Variants in TANC2 observed in about 807,000 individuals in gnomAD.
The protein encoded by TANC2 is tetratricopeptide repeat, ankyrin repeat and coiled-coil containing 2.
TANC2 carries 26 observed loss-of-function variants against 210.5 expected under a neutral mutation model. The ratio of observed to expected loss-of-function variants is 0.12; its 90% confidence interval spans 0.09 to 0.17. TANC2 has a LOEUF of 0.17. TANC2 is among the 10% of genes least tolerant of loss of function. TANC2 has a pLI of 1.00. For synonymous variants in TANC2, 931 were observed against 967.1 expected (o/e 0.96, Z 0.69); for missense variants, 2,129 against 2,608.9 (o/e 0.82, Z 4.01).
intron 14 of TANC2, among the ~76,000 whole-genome samples, chr17:63,376,204 C>T (rs1054968713): frequency 2.0e-5 from 3 of 150,484 alleles, no homozygotes; most frequent in Non-Finnish European, 2.9e-5. Flanking sequence ...GAGGCCAAGG[C>T]GGGTGGATCA....
At chr17:63,039,210 A>G (rs1334897155) in intron 2 of TANC2, among the ~76,000 whole-genome samples, 1 of 152,212 alleles carries the variant, frequency 6.6e-6, no homozygotes, top group Non-Finnish European at 1.5e-5. Context: ...ATTTTCTTGA[A>G]AAAATTATCA....
intron 7 of TANC2, among the ~76,000 whole-genome samples, chr17:63,202,784 C>T (rs1567811162): frequency 6.6e-6 from 1 of 152,100 alleles, no homozygotes; most frequent in Non-Finnish European, 1.5e-5. Context: ...TCCTCAATCC[C>T]ATTTCATTGC....
At chr17:63,133,335 G>C (rs2145238440) in intron 4 of TANC2, among the ~76,000 whole-genome samples, 1 of 152,220 alleles carries the variant, frequency 6.6e-6, no homozygotes, top group East Asian at 1.9e-4. Flanking sequence ...TCAAACTCCT[G>C]ATCTTGTGAT....
intron 25 of TANC2, among the ~76,000 whole-genome samples, chr17:63,414,638 C>T (rs1320821796): frequency 1.3e-5 from 2 of 152,182 alleles, no homozygotes; most frequent in Admixed American, 1.3e-4. Flanking sequence ...TATTGTTCCC[C>T]TCAGAATTCT....
At position 63,412,092 on chromosome 17, in the gene TANC2, C is replaced by G. The variant is rs1567998120; in HGVS notation, c.3860C>G (p.Ser1287Cys). Residue 1287 changes from serine (S) to cysteine (C), a missense_variant, in exon 23 of 28, where the codon TCT (serine) becomes TGT (cysteine). Ser to Cys is a moderately radical substitution (Grantham distance 112, BLOSUM62 -1). Transcript: ENST00000689528. The surrounding 1 kb of genome is among the most constrained non-coding windows in gnomAD (Gnocchi z 4.2). Reference sequence around the variant, plus strand: ...AGGGCAGTGGGGTGCCGGAACACTTCTGTTGTTGTCACTCTTCTGAAGAAA... The same window carrying G: ...AGGGCAGTGGGGTGCCGGAACACTTGTGTTGTTGTCACTCTTCTGAAGAAA... 6.2e-7 allele frequency: 1 copy of G among 1,613,952 alleles called. No individual in the cohort carries two copies. Among genetic ancestry groups the G allele is most frequent in the South Asian group, 1.1e-5 (1 of 91,084 alleles).
At chr17:63,091,865 G>C (rs1004006453) in intron 3 of TANC2, among the ~76,000 whole-genome samples, 2 of 152,112 alleles carry the variant, frequency 1.3e-5, no homozygotes, top group Non-Finnish European at 2.9e-5. Context: ...TCTTCCATTT[G>C]TTTGTGTCCT....
rs972193436 is a variant in TANC2 at position 63,033,551 on chromosome 17, A to G, written c.67+23925A>G. On this transcript the variant is annotated intron_variant, in intron 2 of 27. Transcript: ENST00000689528. ...TTTGAGGAAACTATAAGGGTTTTAG[A>G]AGCTCTGTGTCAGGAACTGGGGGTG... Among the ~76,000 whole-genome samples, 9 of 152,258 alleles carry G rather than the reference A, an allele frequency of 5.9e-5. No homozygotes were observed. The East Asian group carries it at 1.5e-3, about 26-fold the overall frequency.
chr17:63,147,232 A>G (rs1263182648), intron 4 of TANC2, among the ~76,000 whole-genome samples: 3 of 151,996 alleles, frequency 2.0e-5, no homozygotes, highest in African/African-American at 7.3e-5. Flanking sequence ...GGTCCCGACT[A>G]CTCGGAAGGC....
intron 4 of TANC2, among the ~76,000 whole-genome samples, chr17:63,126,221 A>G (rs2038702080): frequency 6.6e-6 from 1 of 152,228 alleles, no homozygotes. Flanking sequence ...CTTTAGCACA[A>G]TGCCTGGCAT....
rs1351017655 is a variant in TANC2 at position 63,112,043 on chromosome 17, C to T, written c.322+12686C>T. 1.3e-5 allele frequency among the ~76,000 whole-genome samples: 2 copies of T among 152,132 alleles called. 1 individual carries two copies. The highest frequency in any genetic ancestry group is 3.9e-4 in the East Asian group (2 of 5,188). On this transcript the variant is annotated intron_variant, in intron 4 of 27. Coordinates refer to ENST00000689528, the Ensembl canonical transcript of TANC2. ...CCGGCCATTGCTTTTTATTTTTAAT[C>T]TATACCCTCAAACCATATTCTCTTT...
At chr17:63,169,365 A>AT (rs1042882871) in intron 5 of TANC2, among the ~76,000 whole-genome samples, 14 of 152,144 alleles carry the variant, frequency 9.2e-5, no homozygotes, top group African/African-American at 3.4e-4. Flanking sequence ...TAGGATGATG[A>AT]TTTTTTCTCT....
intron 7 of TANC2, among the ~76,000 whole-genome samples, chr17:63,224,109 A>G (rs958011146): frequency 2.0e-5 from 3 of 152,032 alleles, no homozygotes; most frequent in African/African-American, 7.2e-5. Context: ...ACTATGCCTG[A>G]TGTTAGCCTC....
At chr17:63,190,934 C>G (rs1243610812) in intron 5 of TANC2, among the ~76,000 whole-genome samples, 3 of 152,110 alleles carry the variant, frequency 2.0e-5, no homozygotes, top group African/African-American at 7.2e-5. Flanking sequence ...TAAGCTACCA[C>G]TATTTCCATT....
intron 1 of TANC2, among the ~76,000 whole-genome samples, chr17:62,982,485 A>G (rs937116997): frequency 3.9e-5 from 6 of 152,100 alleles, no homozygotes; most frequent in South Asian, 2.1e-4. Context: ...ATTTCCTTCA[A>G]TGAATTTGTC....
intron 9 of TANC2, among the ~76,000 whole-genome samples, chr17:63,303,277 TC>T (rs1389784322): frequency 6.6e-6 from 1 of 152,236 alleles, no homozygotes; most frequent in Admixed American, 6.5e-5. Context: ...CTTCAGGAGC[TC>T]TTGCAAGGCA....
chr17:63,249,500 G>A (rs566662522), intron 8 of TANC2, among the ~76,000 whole-genome samples: 29 of 152,242 alleles, frequency 1.9e-4, no homozygotes, highest in East Asian at 5.8e-4. Flanking sequence ...AACAGCTGTC[G>A]TCAGTGCTTT....
intron 9 of TANC2, among the ~76,000 whole-genome samples, chr17:63,283,904 G>T (rs968441033): frequency 1.3e-5 from 2 of 151,722 alleles, no homozygotes; most frequent in Non-Finnish European, 3.0e-5. Flanking sequence ...AAGATTTTCT[G>T]CATAGATGAT....
At chr17:63,322,034 G>C (rs2045510773) in intron 11 of TANC2, among the ~76,000 whole-genome samples, 1 of 152,100 alleles carries the variant, frequency 6.6e-6, no homozygotes, top group African/African-American at 2.4e-5. Flanking sequence ...CCAGCTCCAA[G>C]CCAGAAACAG....
At chr17:63,248,149 T>C (rs1396339328) in intron 8 of TANC2, among the ~76,000 whole-genome samples, 1 of 152,106 alleles carries the variant, frequency 6.6e-6, no homozygotes, top group African/African-American at 2.4e-5. Flanking sequence ...TTAAATTTTC[T>C]CGTCTCAGGA....
Sources: allele counts gnomAD v4.1 joint callset (sites outside exome capture counted in the v4.1 genomes callset), GRCh38; gene constraint gnomAD v4.1.1; non-coding constraint Gnocchi (gnomAD v3.1); transcripts MANE v1.5; gene names NCBI Gene and HGNC (gene_info 2026-07-23, HGNC 2026-07-21).